The following WDPCP variants were observed in gnomAD, a reference collection of about 807,000 sequenced individuals.
The protein encoded by WDPCP is WD repeat containing planar cell polarity effector, also known as WD repeat-containing and planar cell polarity effector protein fritz homolog.
Under a neutral mutation model 93.1 loss-of-function variants are expected in WDPCP, and 71 were observed. The observed-to-expected ratio is 0.76, with a 90% CI of 0.63 to 0.93. The LOEUF (loss-of-function observed/expected upper bound fraction) is 0.93, where lower values mean the gene tolerates loss of function less well. Ranked by LOEUF, WDPCP falls within the 40% of genes least tolerant of loss-of-function variation. The pLI is 0.00. For missense variants in WDPCP, 844 were observed against 887.4 expected, an observed-to-expected ratio of 0.95 and a Z score of 0.62; for synonymous variants, 315 against 315.0, an observed-to-expected ratio of 1.00 and a Z score of 0.00.
intron 2 of WDPCP, among the ~76,000 whole-genome samples, chr2:63,769,238 A>G (rs1326948515): frequency 6.6e-6 from 1 of 151,976 alleles, no homozygotes; most frequent in African/African-American, 2.4e-5. Context: ...ATAATGCATT[A>G]TGTAGGACAG....
chr2:63,306,005 A>C (rs1685707616), intron 13 of WDPCP, among the ~76,000 whole-genome samples: 1 of 152,230 alleles, frequency 6.6e-6, no homozygotes, highest in South Asian at 2.1e-4. Flanking sequence ...TAGCCAGACT[A>C]ATAAAGAAAA....
intron 6 of WDPCP, among the ~76,000 whole-genome samples, chr2:63,465,122 T>C (rs1699261361): frequency 6.6e-6 from 1 of 151,898 alleles, no homozygotes; most frequent in Non-Finnish European, 1.5e-5. Flanking sequence ...AACTGACAGG[T>C]TAAATTTATT....
At chr2:63,150,432 A>G (rs1285008230) in intron 17 of WDPCP, among the ~76,000 whole-genome samples, 2 of 152,176 alleles carry the variant, frequency 1.3e-5, no homozygotes, top group East Asian at 3.9e-4. Context: ...AACATCCTAC[A>G]ATGCACAGGA....
chr2:63,643,699 G>C (rs563522007), intron 3 of WDPCP: 33 of 491,830 alleles, frequency 6.7e-5, no homozygotes, highest in South Asian at 5.2e-4. Flanking sequence ...AGCCTCCTCA[G>C]ATGTAATATG....
At chr2:63,539,173 T>TA (rs1467285545) in intron 1 of WDPCP, among the ~76,000 whole-genome samples, 4 of 152,240 alleles carry the variant, frequency 2.6e-5, no homozygotes, top group Non-Finnish European at 2.9e-5. Flanking sequence ...GATTAGTTTT[T>TA]AAAAATTTAT....
At chr2:63,517,092 A>T (rs905333161) in intron 1 of WDPCP, among the ~76,000 whole-genome samples, 1 of 151,850 alleles carries the variant, frequency 6.6e-6, no homozygotes, top group African/African-American at 2.4e-5. Context: ...TAATCTTTCT[A>T]TTTCTTCATC....
upstream of WDPCP, chr2:63,593,656 C>T (rs756043769): frequency 4.2e-6 from 2 of 471,496 alleles, no homozygotes; most frequent in Admixed American, 2.3e-5. Flanking sequence ...AGTGGAAGTA[C>T]ATTTACCCAG....
chr2:63,770,963 T>TA (rs1306591316), intron 2 of WDPCP, among the ~76,000 whole-genome samples: 1 of 151,876 alleles, frequency 6.6e-6, no homozygotes, highest in East Asian at 1.9e-4. Flanking sequence ...TTTATTATGT[T>TA]AAAAATAACA....
chr2:63,124,852 C>G (rs1284281031), intron 17 of WDPCP, among the ~76,000 whole-genome samples: 1 of 150,752 alleles, frequency 6.6e-6, no homozygotes, highest in Non-Finnish European at 1.5e-5. Context: ...TAATTTTGTT[C>G]GTATTTCTCT....
At chr2:63,544,001 A>G (rs1013408264) in intron 1 of WDPCP, among the ~76,000 whole-genome samples, 4 of 152,114 alleles carry the variant, frequency 2.6e-5, no homozygotes, top group African/African-American at 9.7e-5. Context: ...CAAACAATAT[A>G]CCAATAGCTT....
At chr2:63,829,067 T>C (rs955829885), upstream of WDPCP, among the ~76,000 whole-genome samples, 1 of 152,110 alleles carries the variant, frequency 6.6e-6, no homozygotes, top group Non-Finnish European at 1.5e-5. Context: ...ACTCAAACAT[T>C]ATAGATGAGC....
At chr2:63,366,259 T>C (rs757302318) in intron 12 of WDPCP, among the ~76,000 whole-genome samples, 4 of 152,126 alleles carry the variant, frequency 2.6e-5, no homozygotes, top group Non-Finnish European at 4.4e-5. Flanking sequence ...ATGAAAAAAC[T>C]CTTAGCTAAT....
At chr2:63,430,542 T>A (rs985585463) in intron 9 of WDPCP, among the ~76,000 whole-genome samples, 4 of 152,198 alleles carry the variant, frequency 2.6e-5, no homozygotes, top group African/African-American at 9.6e-5. Context: ...TCAAAAGAAT[T>A]TTTTCTTAGA....
intron 10 of WDPCP, among the ~76,000 whole-genome samples, chr2:63,383,998 A>G (rs948626926): frequency 6.6e-6 from 1 of 152,172 alleles, no homozygotes; most frequent in Non-Finnish European, 1.5e-5. Context: ...TCTGACCACA[A>G]TAGAATTAAA....
chr2:63,387,461 C>G lies in WDPCP; in HGVS notation c.1436-5367G>C, dbSNP rs76451056. On this transcript the variant is annotated intron_variant, in intron 10 of 17. Transcript: ENST00000272321. The stretch of plus-strand genomic sequence containing the variant: ...TCATGTTAAAAAAAAGAAAAAAAAC[C>G]TCAACAAACTAGGTATTGAAGGAAT... Among the ~76,000 whole-genome samples, 355 of 151,778 alleles carry G rather than the reference C, an allele frequency of 2.3e-3. 2 individuals carry two copies. The highest frequency in any genetic ancestry group is 0.011 in the South Asian group (55 of 4,796).
chr2:63,347,657 A>G (rs1689284126), intron 12 of WDPCP, among the ~76,000 whole-genome samples: 6 of 152,130 alleles, frequency 3.9e-5, no homozygotes, highest in Admixed American at 3.9e-4. Flanking sequence ...ATGATCAAGT[A>G]GCTCCCATGT....
intron 13 of WDPCP, among the ~76,000 whole-genome samples, chr2:63,270,345 A>G (rs185251318): frequency 2.0e-5 from 3 of 151,550 alleles, no homozygotes; most frequent in Admixed American, 1.3e-4. Flanking sequence ...CGTAAATAAA[A>G]CCAAGTGCTT....
At chr2:63,833,416 A>G in the WDPCP span, among the ~76,000 whole-genome samples, 2 of 152,236 alleles carry the variant, frequency 1.3e-5, no homozygotes, top group African/African-American at 4.8e-5. Flanking sequence ...TTTGAAATAA[A>G]AAAAAAGACC....
intron 1 of WDPCP, among the ~76,000 whole-genome samples, chr2:63,552,409 G>T (rs976599127): frequency 2.0e-5 from 3 of 151,966 alleles, no homozygotes; most frequent in African/African-American, 7.3e-5. Flanking sequence ...CTCATATTAA[G>T]TAACAAGTGT....
Sources: allele counts gnomAD v4.1 joint callset (sites outside exome capture counted in the v4.1 genomes callset), GRCh38; gene constraint gnomAD v4.1.1; transcripts MANE v1.5; gene names NCBI Gene and HGNC (gene_info 2026-07-23, HGNC 2026-07-21).